Variants in CADM1 observed in about 807,000 individuals in gnomAD.
CADM1 encodes TSLC-1.
Under a neutral mutation model 53.1 loss-of-function variants are expected in CADM1, and 15 were observed. The ratio of observed to expected loss-of-function variants is 0.28; its 90% CI spans 0.19 to 0.44. CADM1 has a LOEUF of 0.44. Ranked by LOEUF, CADM1 falls within the 20% of genes least tolerant of loss-of-function variation. CADM1 has a pLI of 1.00. For synonymous variants in CADM1, 281 were observed against 243.0 expected, an observed-to-expected ratio of 1.16 and a Z score of -1.45; for missense variants, 434 against 611.3, an observed-to-expected ratio of 0.71 and a Z score of 3.06.
At chr11:115,212,223 T>C (rs911774831) in intron 7 of CADM1, among the ~76,000 whole-genome samples, 1 of 152,192 alleles carries the variant, frequency 6.6e-6, no homozygotes, top group Non-Finnish European at 1.5e-5. Flanking sequence ...AGATTCTTCA[T>C]GTGTAGAAGT....
chr11:115,202,876 G>C (rs939243392), intron 8 of CADM1, among the ~76,000 whole-genome samples: 1 of 147,310 alleles, frequency 6.8e-6, no homozygotes, highest in Admixed American at 6.7e-5. Flanking sequence ...TCTCTTTCAT[G>C]TTATTTGAAC....
chr11:115,265,231 C>A (rs1233611305), intron 1 of CADM1, among the ~76,000 whole-genome samples: 2 of 152,040 alleles, frequency 1.3e-5, no homozygotes, highest in East Asian at 3.9e-4. Flanking sequence ...GAATTCAATA[C>A]CAATACTGAA....
intron 1 of CADM1, among the ~76,000 whole-genome samples, chr11:115,408,756 A>G (rs1012050891): frequency 2.0e-5 from 3 of 152,210 alleles, no homozygotes; most frequent in African/African-American, 7.2e-5. Context: ...AAAGAAGCCA[A>G]TGTTATTTCA....
At chr11:115,318,042 CTTAT>C (rs1944720526) in intron 1 of CADM1, among the ~76,000 whole-genome samples, 4 of 151,590 alleles carry the variant, frequency 2.6e-5, no homozygotes, top group African/African-American at 7.3e-5. Context: ...ACCTTCCCTA[CTTAT>C]TTTTTTTAAT....
intron 1 of CADM1, among the ~76,000 whole-genome samples, chr11:115,331,883 G>GT (rs949976238): frequency 1.4e-4 from 21 of 147,768 alleles, no homozygotes; most frequent in South Asian, 6.4e-4. Context: ...CTTTTTTTTT[G>GT]TTTTTTTGAG....
intron 9 of CADM1, among the ~76,000 whole-genome samples, chr11:115,195,876 G>A (rs1940120943): frequency 6.6e-6 from 1 of 152,196 alleles, no homozygotes; most frequent in Non-Finnish European, 1.5e-5. Context: ...AGCCCTTTGT[G>A]AAGATGCTAC....
At chr11:115,283,734 G>A (rs1266776070) in intron 1 of CADM1, among the ~76,000 whole-genome samples, 1 of 152,180 alleles carries the variant, frequency 6.6e-6, no homozygotes, top group Non-Finnish European at 1.5e-5. Context: ...AGACATTCAG[G>A]GCAAAGTGGG....
At chr11:115,283,233 A>C (rs899130051) in intron 1 of CADM1, among the ~76,000 whole-genome samples, 16 of 152,134 alleles carry the variant, frequency 1.1e-4, no homozygotes, top group Admixed American at 4.6e-4. Flanking sequence ...GCTACGCAAA[A>C]AGAGGTGATG....
At chr11:115,441,328 C>T (rs1479696713) in intron 1 of CADM1, among the ~76,000 whole-genome samples, 2 of 152,076 alleles carry the variant, frequency 1.3e-5, no homozygotes, top group Admixed American at 6.6e-5. Context: ...AAGTTTTAAC[C>T]ATTCAAATAC....
chr11:115,284,326 T>A, intron 1 of CADM1, among the ~76,000 whole-genome samples: 1 of 152,170 alleles, frequency 6.6e-6, no homozygotes, highest in East Asian at 1.9e-4. Flanking sequence ...CTACTGTCGA[T>A]GTTGTCTGTT....
At chr11:115,319,249 A>C (rs1003452776) in intron 1 of CADM1, among the ~76,000 whole-genome samples, 14 of 152,088 alleles carry the variant, frequency 9.2e-5, no homozygotes, top group African/African-American at 2.9e-4. Flanking sequence ...CGTGGGTTGG[A>C]AAAGAAACTG....
chr11:115,380,692 G>A (rs1196691821), intron 1 of CADM1, among the ~76,000 whole-genome samples: 1 of 152,122 alleles, frequency 6.6e-6, no homozygotes, highest in Non-Finnish European at 1.5e-5. Context: ...AATAGCTAAA[G>A]AGGAGACAGT....
intron 1 of CADM1, among the ~76,000 whole-genome samples, chr11:115,264,347 A>T (rs1943067580): frequency 6.6e-6 from 1 of 152,210 alleles, no homozygotes; most frequent in African/African-American, 2.4e-5. Context: ...TGTTTGTCCA[A>T]TCACTTTACT....
chr11:115,464,880 G>C (rs1008326686), intron 1 of CADM1, among the ~76,000 whole-genome samples: 1 of 152,162 alleles, frequency 6.6e-6, no homozygotes, highest in African/African-American at 2.4e-5. Context: ...AACATTCTAT[G>C]CCAGTATCAG....
chr11:115,247,115 T>C (rs1272825705), intron 1 of CADM1, among the ~76,000 whole-genome samples: 3 of 152,248 alleles, frequency 2.0e-5, no homozygotes, highest in South Asian at 2.1e-4. Flanking sequence ...ATAGGTATGT[T>C]TGATTAGCAT....
chr11:115,349,459 T>A (rs1008302406), intron 1 of CADM1, among the ~76,000 whole-genome samples: 1 of 152,154 alleles, frequency 6.6e-6, no homozygotes, highest in Admixed American at 6.6e-5. Flanking sequence ...GCGTAAACAG[T>A]AGACAACATA....
At chr11:115,231,265 G>T (rs1037773872) in intron 4 of CADM1, 88 bp downstream of exon 4, 5 of 1,383,226 alleles carry the variant, frequency 3.6e-6, no homozygotes, top group Non-Finnish European at 5.2e-6. Flanking sequence ...TGTTTCATGG[G>T]CATGTTTTGT....
intron 1 of CADM1, among the ~76,000 whole-genome samples, chr11:115,336,770 G>A (rs187508634): frequency 5.7e-4 from 87 of 152,084 alleles, no homozygotes; most frequent in African/African-American, 2.1e-3. Context: ...AAGTATGAGT[G>A]TTTTTCCAAC....
At chr11:115,249,238 T>C (rs1268013429) in intron 1 of CADM1, among the ~76,000 whole-genome samples, 1 of 152,246 alleles carries the variant, frequency 6.6e-6, no homozygotes, top group African/African-American at 2.4e-5. Flanking sequence ...TCAACCACTT[T>C]GCTAATGAAC....
Sources: allele counts gnomAD v4.1 joint callset (sites outside exome capture counted in the v4.1 genomes callset), GRCh38; gene constraint gnomAD v4.1.1; transcripts MANE v1.5; gene names NCBI Gene and HGNC (gene_info 2026-07-23, HGNC 2026-07-21).